Variants in NKAIN2 observed in about 807,000 individuals in gnomAD.
NKAIN2 encodes the protein sodium/potassium transporting ATPase interacting 2, also known as sodium/potassium-transporting ATPase subunit beta-1-interacting protein 2.
Under a neutral mutation model 32.6 loss-of-function variants are expected in NKAIN2, and 14 were observed. The observed-to-expected ratio is 0.43, with a 90% confidence interval of 0.28 to 0.67. NKAIN2 has a LOEUF of 0.67. Among genes scored for constraint, NKAIN2 ranks in the 30% least tolerant of loss-of-function variants. The pLI is 0.17. For missense variants in NKAIN2, 198 were observed against 258.3 expected (o/e 0.77, Z 1.60); for synonymous variants, 80 against 87.2 (o/e 0.92, Z 0.46).
chr6:124,516,957 T>C (rs914970033), intron 3 of NKAIN2, among the ~76,000 whole-genome samples: 2 of 152,160 alleles, frequency 1.3e-5, no homozygotes, highest in Admixed American at 1.3e-4. Flanking sequence ...AAATGTGTAA[T>C]GAGTCTGTTC....
intron 1 of NKAIN2, among the ~76,000 whole-genome samples, chr6:123,900,835 T>C (rs745730305): frequency 6.6e-6 from 1 of 152,122 alleles, no homozygotes; most frequent in Non-Finnish European, 1.5e-5. Context: ...GGGACATGGC[T>C]ACCTCAGACT....
intron 3 of NKAIN2, among the ~76,000 whole-genome samples, chr6:124,413,124 G>A (rs1774291806): frequency 6.6e-6 from 1 of 152,008 alleles, no homozygotes; most frequent in Non-Finnish European, 1.5e-5. Context: ...GCACTTCCCG[G>A]GTGAGGTGAT....
chr6:124,725,547 A>G (rs995940393), intron 4 of NKAIN2, among the ~76,000 whole-genome samples: 1 of 152,208 alleles, frequency 6.6e-6, no homozygotes, highest in African/African-American at 2.4e-5. Context: ...TCATATGCCA[A>G]GTTGTTTGTC....
intron 4 of NKAIN2, among the ~76,000 whole-genome samples, chr6:124,764,853 A>G (rs989199042): frequency 6.6e-6 from 1 of 152,148 alleles, no homozygotes; most frequent in African/African-American, 2.4e-5. Flanking sequence ...AAATTTTATC[A>G]ATTAAATGTT....
intron 1 of NKAIN2, among the ~76,000 whole-genome samples, chr6:123,849,637 A>T (rs1775232775): frequency 6.6e-6 from 1 of 152,098 alleles, no homozygotes; most frequent in Admixed American, 6.6e-5. Flanking sequence ...ACTTTGCGAC[A>T]AGGAGCTACA....
At chr6:124,363,220 A>G (rs777783313) in intron 3 of NKAIN2, among the ~76,000 whole-genome samples, 5 of 152,184 alleles carry the variant, frequency 3.3e-5, no homozygotes, top group Non-Finnish European at 5.9e-5. Context: ...TGTATCTATT[A>G]CTTGTTTGTG....
intron 1 of NKAIN2, among the ~76,000 whole-genome samples, chr6:123,893,880 T>C (rs1443760822): frequency 6.6e-6 from 1 of 152,198 alleles, no homozygotes; most frequent in Non-Finnish European, 1.5e-5. Context: ...CCCAGTATCT[T>C]AAATTTAGAC....
intron 3 of NKAIN2, among the ~76,000 whole-genome samples, chr6:124,542,657 G>T (rs965711192): frequency 1.3e-4 from 20 of 152,264 alleles, no homozygotes; most frequent in African/African-American, 4.6e-4. Context: ...TAACAACACT[G>T]ATGGTCTAAA....
intron 4 of NKAIN2, among the ~76,000 whole-genome samples, chr6:124,740,070 T>G (rs1777130455): frequency 6.6e-6 from 1 of 151,750 alleles, no homozygotes; most frequent in Non-Finnish European, 1.5e-5. Flanking sequence ...ATCAATTGCT[T>G]TTCTCCTAGT....
intron 1 of NKAIN2, among the ~76,000 whole-genome samples, chr6:123,998,743 C>CTGTGTGTGTGTG (rs34410164): frequency 1.0e-4 from 14 of 134,226 alleles, no homozygotes; most frequent in African/African-American, 4.1e-4. Context: ...CTCTCTCTCT[C>CTGTGTGTGTGTG]TGTGTGTGTG....
At chr6:124,666,509 A>G (rs12205200) in intron 4 of NKAIN2, among the ~76,000 whole-genome samples, 58,845 of 152,056 alleles carry the variant, frequency 0.39, 11,556 homozygotes, top group African/African-American at 0.45. Context: ...TAACTTTCCA[A>G]TCTATTCTCT....
At chr6:124,667,011 C>T (rs1477412846) in intron 4 of NKAIN2, among the ~76,000 whole-genome samples, 1 of 152,122 alleles carries the variant, frequency 6.6e-6, no homozygotes, top group Non-Finnish European at 1.5e-5. Flanking sequence ...CTCACAGTGA[C>T]ATACAAAAAT....
At chr6:123,845,807 G>A (rs1242279776) in intron 1 of NKAIN2, among the ~76,000 whole-genome samples, 1 of 152,208 alleles carries the variant, frequency 6.6e-6, no homozygotes, top group Non-Finnish European at 1.5e-5. Context: ...ACAGAGAAGA[G>A]AAAACCAAGA....
At chr6:124,673,981 T>C (rs541875373) in intron 4 of NKAIN2, among the ~76,000 whole-genome samples, 1 of 152,152 alleles carries the variant, frequency 6.6e-6, no homozygotes, top group African/African-American at 2.4e-5. Context: ...TTTCCACCTA[T>C]ATATCTTCTA....
At chr6:124,464,655 T>G (rs1016393761) in intron 3 of NKAIN2, among the ~76,000 whole-genome samples, 11 of 152,094 alleles carry the variant, frequency 7.2e-5, no homozygotes, top group African/African-American at 2.4e-4. Flanking sequence ...TTGACAGGTT[T>G]GTTAAAGATC....
chr6:124,028,745 G>A (rs1359414892), intron 1 of NKAIN2, among the ~76,000 whole-genome samples: 15 of 141,274 alleles, frequency 1.1e-4, no homozygotes, highest in African/African-American at 4.1e-4. Context: ...ACGTATATAT[G>A]TGTATATATA....
intron 5 of NKAIN2, among the ~76,000 whole-genome samples, chr6:124,814,672 C>A (rs764537933): frequency 6.8e-6 from 1 of 148,012 alleles, no homozygotes; most frequent in Non-Finnish European, 1.5e-5. Context: ...GCTCAGGACA[C>A]CCTCATTTCC....
chr6:124,387,873 T>C (rs1772977740), intron 3 of NKAIN2, among the ~76,000 whole-genome samples: 1 of 152,062 alleles, frequency 6.6e-6, no homozygotes, highest in South Asian at 2.1e-4. Context: ...AGATGAATAA[T>C]TTAAAAGGCA....
chr6:124,019,980 C>T (rs953218988), intron 1 of NKAIN2, among the ~76,000 whole-genome samples: 9 of 152,030 alleles, frequency 5.9e-5, no homozygotes, highest in African/African-American at 2.2e-4. Context: ...CTTGAATAGT[C>T]TCAATGTTGT....
Sources: gnomAD v4.1 joint callset for allele counts (sites outside exome capture counted in the v4.1 genomes callset) on GRCh38, gnomAD v4.1.1 for gene constraint, MANE v1.5 for transcripts, NCBI Gene and HGNC (gene_info 2026-07-23, HGNC 2026-07-21) for gene names.